The following DPP10 variants were observed in gnomAD, a reference collection of about 807,000 sequenced individuals.
DPP10 encodes inactive dipeptidyl peptidase 10.
In DPP10, 33 loss-of-function variants were observed where a neutral mutation model predicts 120.9. The ratio of observed to expected loss-of-function variants is 0.27; its 90% CI spans 0.21 to 0.37. The LOEUF is 0.37. Ranked by LOEUF, DPP10 falls within the 10% of genes least tolerant of loss-of-function variation. The probability of loss-of-function intolerance (pLI) is 1.00; values close to 1 mark genes in which losing one functional copy is unlikely to be tolerated. For synonymous variants in DPP10, 337 were observed against 326.1 expected, an observed-to-expected ratio of 1.03 and a Z score of -0.36; for missense variants, 816 against 942.8, an observed-to-expected ratio of 0.87 and a Z score of 1.76.
chr2:115,258,071 A>C (rs1437830539), intron 1 of DPP10, among the ~76,000 whole-genome samples: 1 of 152,170 alleles, frequency 6.6e-6, no homozygotes, highest in African/African-American at 2.4e-5. Flanking sequence ...AAACGTGAAA[A>C]TATTTCTGTT....
Position 115,309,349 on chromosome 2 carries a change from C to T in DPP10, c.171C>T (p.Thr57=), listed in dbSNP as rs1574375156. 1 of 1,612,286 alleles carries T rather than the reference C, an allele frequency of 6.2e-7. No homozygotes were observed. Among genetic ancestry groups the T allele is most frequent in the East Asian group, 2.2e-5 (1 of 44,782 alleles). ...SLITMSVILL[T]PDELTNSSET... ...TCACTATGTCAGTCATCCTCTTAAC[C>T]CCAGGTAATCTGTCTTTATTCCTCT... The change falls in exon 2 of 26, where the codon ACC becomes ACT. Residue 57 remains threonine, a synonymous_variant. Transcript: ENST00000410059.
chr2:115,612,899 A>T (rs931324932), intron 5 of DPP10, among the ~76,000 whole-genome samples: 17 of 152,026 alleles, frequency 1.1e-4, no homozygotes, highest in Admixed American at 9.2e-4. Flanking sequence ...CAATCACGAT[A>T]AAGTCATGAC....
intron 1 of DPP10, among the ~76,000 whole-genome samples, chr2:114,515,115 C>T (rs1684481938): frequency 6.6e-6 from 1 of 152,136 alleles, no homozygotes. Context: ...AAGAAACATG[C>T]CTGGAGTGAG....
At chr2:115,434,461 A>G (rs188186120) in intron 3 of DPP10, among the ~76,000 whole-genome samples, 7 of 151,946 alleles carry the variant, frequency 4.6e-5, no homozygotes, top group African/African-American at 1.7e-4. Flanking sequence ...AGGGTAACAG[A>G]TGTAATAATA....
intron 3 of DPP10, among the ~76,000 whole-genome samples, chr2:115,368,382 G>A (rs149266313): frequency 6.6e-6 from 1 of 152,020 alleles, no homozygotes; most frequent in Non-Finnish European, 1.5e-5. Context: ...TGAGATTAAA[G>A]GATGTAATAT....
chr2:115,288,709 A>C (rs1442322739), intron 1 of DPP10, among the ~76,000 whole-genome samples: 1 of 152,068 alleles, frequency 6.6e-6, no homozygotes, highest in Non-Finnish European at 1.5e-5. Context: ...GTGACAAAGC[A>C]AGACTGCCTC....
intron 1 of DPP10, among the ~76,000 whole-genome samples, chr2:115,284,186 GA>G (rs1312566152): frequency 6.6e-6 from 1 of 151,820 alleles, no homozygotes; most frequent in Non-Finnish European, 1.5e-5. Context: ...TTAGTTTACT[GA>G]AAAAAACACA....
chr2:114,448,490 G>A (rs1678072865), intron 1 of DPP10, among the ~76,000 whole-genome samples: 1 of 152,152 alleles, frequency 6.6e-6, no homozygotes, highest in Non-Finnish European at 1.5e-5. Context: ...TCAAAGTGCT[G>A]TCCCTAGACC....
At chr2:115,010,508 G>A (rs980416866) in intron 1 of DPP10, among the ~76,000 whole-genome samples, 4 of 151,994 alleles carry the variant, frequency 2.6e-5, no homozygotes, top group Middle Eastern at 3.4e-3. Context: ...ATGAATGAAT[G>A]GAAAATTAAA....
intron 1 of DPP10, among the ~76,000 whole-genome samples, chr2:115,139,835 T>C (rs1310327954): frequency 6.6e-6 from 1 of 150,778 alleles, no homozygotes; most frequent in Non-Finnish European, 1.5e-5. Flanking sequence ...ATCAGTACAG[T>C]GAACTTGGTC....
chr2:115,669,110 A>G (rs1426965410), intron 5 of DPP10, among the ~76,000 whole-genome samples: 4 of 152,106 alleles, frequency 2.6e-5, no homozygotes, highest in Non-Finnish European at 5.9e-5. Context: ...CTAGGGGAAT[A>G]TGTGTTATTG....
Position 115,753,255 on chromosome 2 carries a change from C to T in DPP10, c.1032C>T (p.Ser344=), listed in dbSNP as rs1678979022. 2 of 1,611,528 alleles carry T rather than the reference C, an allele frequency of 1.2e-6. No individual in the cohort carries two copies. The highest frequency in any genetic ancestry group is 2.7e-5 in the African/African-American group (2 of 74,822). ...GGTTAAACCGAGCTCAGAACATCTC[C>T]ATCCTCACAGTCTGTGAGACCACTA... ...VRWLNRAQNI[S]ILTVCETTTG... The change falls in exon 11 of 26, where the codon TCC becomes TCT. Residue 344 remains serine (S), a synonymous_variant. Transcript: ENST00000410059.
intron 21 of DPP10, among the ~76,000 whole-genome samples, chr2:115,825,901 G>A (rs182501881): frequency 2.9e-4 from 44 of 152,322 alleles, no homozygotes; most frequent in African/African-American, 1.1e-3. Flanking sequence ...GAGCTGGGCA[G>A]AAGAGGCTGG....
At chr2:115,532,261 T>C (rs1414832451) in intron 5 of DPP10, among the ~76,000 whole-genome samples, 1 of 152,070 alleles carries the variant, frequency 6.6e-6, no homozygotes, top group Non-Finnish European at 1.5e-5. Flanking sequence ...GTTTATATCA[T>C]ATTTTACAGA....
intron 1 of DPP10, among the ~76,000 whole-genome samples, chr2:115,106,089 T>A (rs2048932565): frequency 6.6e-6 from 1 of 152,236 alleles, no homozygotes; most frequent in South Asian, 2.1e-4. Flanking sequence ...CACCTAAAAC[T>A]GTTTTGGCAT....
At chr2:115,211,296 A>C (rs2056493887) in intron 1 of DPP10, among the ~76,000 whole-genome samples, 1 of 150,584 alleles carries the variant, frequency 6.6e-6, no homozygotes, top group African/African-American at 2.4e-5. Context: ...ATAAGTTATC[A>C]TTTCTCATAG....
At chr2:115,125,830 C>T (rs981629841) in intron 1 of DPP10, among the ~76,000 whole-genome samples, 2 of 152,116 alleles carry the variant, frequency 1.3e-5, no homozygotes, top group African/African-American at 4.8e-5. Context: ...GATTCGCCCT[C>T]CTTGGCCTCC....
chr2:114,926,396 T>C (rs1172230549), intron 1 of DPP10, among the ~76,000 whole-genome samples: 1 of 152,200 alleles, frequency 6.6e-6, no homozygotes, highest in East Asian at 1.9e-4. Flanking sequence ...ATTTGGGGGC[T>C]AGAGTGCTTA....
chr2:115,351,919 G>A (rs1172905934), intron 3 of DPP10, among the ~76,000 whole-genome samples: 1 of 151,882 alleles, frequency 6.6e-6, no homozygotes, highest in Non-Finnish European at 1.5e-5. Flanking sequence ...TCATACTGTG[G>A]CAATCTTACA....
Sources: gnomAD v4.1 joint callset for allele counts (sites outside exome capture counted in the v4.1 genomes callset) on GRCh38, gnomAD v4.1.1 for gene constraint, MANE v1.5 for transcripts, NCBI Gene and HGNC (gene_info 2026-07-23, HGNC 2026-07-21) for gene names.